C6: variants seen among roughly 807,000 people sequenced by gnomAD.
C6 encodes complement C6.
Under a neutral mutation model 112.9 loss-of-function variants are expected in C6, and 101 were observed. The ratio of observed to expected loss-of-function variants is 0.89; its 90% CI spans 0.76 to 1.06. The LOEUF is 1.06. Among genes scored for constraint, C6 ranks in the 50% least tolerant of loss-of-function variants. The probability of loss-of-function intolerance (pLI) is 0.00; values close to 1 mark genes in which losing one functional copy is unlikely to be tolerated. For missense variants in C6, 1,202 were observed against 1,104.6 expected, an observed-to-expected ratio of 1.09 and a Z score of -1.25; for synonymous variants, 431 against 384.1, an observed-to-expected ratio of 1.12 and a Z score of -1.43.
At chr5:41,231,553 A>G (rs1739900500) in intron 1 of C6, among the ~76,000 whole-genome samples, 1 of 152,122 alleles carries the variant, frequency 6.6e-6, no homozygotes. Context: ...CTAAGCTAAT[A>G]TGCTGTTACA....
rs553243836 is a variant in C6 at position 41,199,847 on chromosome 5, T to C, written c.366A>G (p.Val122=). The C allele has an allele frequency of 1.5e-5, 25 of 1,613,648 alleles. 1 individual carries two copies. In the South Asian group the frequency reaches 2.6e-4, roughly 17 times the overall value. Residue 122 remains valine (V), a synonymous_variant, in exon 4 of 18, where the codon GTA becomes GTG. Coordinates refer to ENST00000337836, the MANE Select transcript of C6 (RefSeq NM_000065.5). ...FGGQPCTAPL[V]AFQPCIPSKL... ...TAGATGGAATGCATGGTTGAAAGGC[T>C]ACCAGAGGCGCAGTGCATGGCTGTC... is the stretch of plus-strand genomic sequence containing the variant.
intron 5 of C6, among the ~76,000 whole-genome samples, chr5:41,187,645 G>A (rs1053395587): frequency 6.6e-6 from 1 of 151,720 alleles, no homozygotes; most frequent in Non-Finnish European, 1.5e-5. Context: ...ATAAATACTT[G>A]TAAATTCTCT....
chr5:41,161,757 T>C lies in C6; in HGVS notation c.1394A>G (p.Glu465Gly). 1.2e-6 allele frequency: 2 copies of C among 1,613,682 alleles called. No individual in the cohort carries two copies. The highest frequency in any genetic ancestry group is 1.7e-6 in the Non-Finnish European group (2 of 1,179,696). The change falls in exon 10 of 18, where the codon GAG becomes GGG. Residue 465 changes from glutamate to glycine, a missense_variant. Transcript: ENST00000337836. ...TAACCACTCAGAAAATGTCTTCTCC[T>C]CCAGACCAGAGCTCCCTTTCTCCCA... ...LAWEKGSSGL[E>G]EKTFSEWLES... is the part of the protein sequence containing the mutation.
intron 8 of C6, 89 bp from the exon 9 acceptor site, chr5:41,172,436 C>T: frequency 1.5e-6 from 2 of 1,295,198 alleles, no homozygotes; most frequent in Non-Finnish European, 2.2e-6. Context: ...TTCGGATCTA[C>T]AGATACTTTA....
intron 8 of C6, among the ~76,000 whole-genome samples, chr5:41,176,044 T>C (rs1232051529): frequency 6.6e-6 from 1 of 152,232 alleles, no homozygotes; most frequent in East Asian, 1.9e-4. Flanking sequence ...AAAAAATTGC[T>C]ATTTAATTCG....
chr5:41,232,375 A>T (rs1270597528), intron 1 of C6, among the ~76,000 whole-genome samples: 1 of 152,098 alleles, frequency 6.6e-6, no homozygotes, highest in Non-Finnish European at 1.5e-5. Flanking sequence ...ATTATCAGTT[A>T]GTAAATCCCT....
intron 1 of C6, among the ~76,000 whole-genome samples, chr5:41,208,942 C>T (rs1435051260): frequency 6.6e-6 from 1 of 152,074 alleles, no homozygotes; most frequent in Non-Finnish European, 1.5e-5. Flanking sequence ...AGACCAATAT[C>T]CCTGATGAAC....
At chr5:41,181,287 C>A (rs1278193089) in intron 7 of C6, 72 bp downstream of exon 7, 4 of 1,367,374 alleles carry the variant, frequency 2.9e-6, no homozygotes, top group Non-Finnish European at 4.2e-6. Context: ...CTCTCCCCTT[C>A]TTATTGCATG....
chr5:41,251,516 TTCCTGATATCC>T (rs755923357), intron 1 of C6, among the ~76,000 whole-genome samples: 73 of 152,210 alleles, frequency 4.8e-4, no homozygotes, highest in Non-Finnish European at 8.2e-4. Context: ...AAGGGAATTC[TTCCTGATATCC>T]TCCTCTTTGT....
chr5:41,193,535 A>G (rs1750375959), intron 5 of C6, among the ~76,000 whole-genome samples: 1 of 152,160 alleles, frequency 6.6e-6, no homozygotes, highest in Non-Finnish European at 1.5e-5. Context: ...GTATGCATGT[A>G]TTTTCACATA....
intron 1 of C6, among the ~76,000 whole-genome samples, chr5:41,210,642 C>T (rs947477053): frequency 2.6e-5 from 4 of 152,098 alleles, no homozygotes; most frequent in African/African-American, 4.8e-5. Context: ...AAAAAATGCT[C>T]ATCATCGCTG....
chr5:41,213,909 A>G (rs1231209408), upstream of C6, among the ~76,000 whole-genome samples: 1 of 152,222 alleles, frequency 6.6e-6, no homozygotes, highest in African/African-American at 2.4e-5. Flanking sequence ...TGAATTTAGT[A>G]TGATTTATCA....
intron 1 of C6, among the ~76,000 whole-genome samples, chr5:41,226,947 A>C (rs992016771): frequency 6.6e-6 from 1 of 152,108 alleles, no homozygotes; most frequent in Non-Finnish European, 1.5e-5. Flanking sequence ...TGACATACTA[A>C]TTTTATTTCC....
In C6 at chr5:41,227,368, G is replaced by A. The variant is rs377030301; in HGVS notation, c.-20-24118C>T. Among the ~76,000 whole-genome samples, 184 of 151,986 alleles carry A rather than the reference G, an allele frequency of 1.2e-3. 1 individual carries two copies. Among genetic ancestry groups the A allele is most frequent in the African/African-American group, 4.3e-3 (179 of 41,464 alleles). On this transcript the variant is annotated intron_variant, in intron 1 of 17. Coordinates refer to the C6 transcript ENST00000263413. ...TTTGCATATAAACTCTTCATCAGACGTATGGTGTGAAAATACTTTCTCCTA... is the reference window on the plus strand; with the variant it reads ...TTTGCATATAAACTCTTCATCAGACATATGGTGTGAAAATACTTTCTCCTA...
In C6 at chr5:41,160,386, G is replaced by A; in HGVS notation, c.1459-19C>T. On this transcript the variant is annotated intron_variant, in intron 10 of 17. Transcript: ENST00000337836. ...GGGCAAGCTAGGAGAAAATGGGAGA[G>A]AGGAGGTCCAGTCACATCCCCTTTG... 1 of 1,589,050 alleles carries A rather than the reference G, an allele frequency of 6.3e-7. No individual in the cohort carries two copies. The highest frequency in any genetic ancestry group is 8.6e-7 in the Non-Finnish European group (1 of 1,157,294).
At chr5:41,196,754 T>C (rs1750650974) in intron 4 of C6, among the ~76,000 whole-genome samples, 1 of 152,066 alleles carries the variant, frequency 6.6e-6, no homozygotes, top group Admixed American at 6.6e-5. Flanking sequence ...GTCTAGATAC[T>C]ACAGTAGCAA....
chr5:41,245,784 C>T (rs1243103205), intron 1 of C6, among the ~76,000 whole-genome samples: 1 of 151,898 alleles, frequency 6.6e-6, no homozygotes, highest in Non-Finnish European at 1.5e-5. Context: ...CTGGAGTAAA[C>T]CCAGGTTAGT....
At position 41,155,761 on chromosome 5, in the gene C6, A is replaced by G. The variant is rs533680415; in HGVS notation, c.1969-657T>C. ...AAACCAAAAAACAAACAAACAAACAAAAACCCAAAACAAAAAAAAAATAGA... is the reference window on the plus strand; with the variant it reads ...AAACCAAAAAACAAACAAACAAACAGAAACCCAAAACAAAAAAAAAATAGA... On this transcript the variant is annotated intron_variant, in intron 13 of 17. Coordinates refer to ENST00000337836, the MANE Select transcript of C6 (RefSeq NM_000065.5). Among the ~76,000 whole-genome samples the G allele has an allele frequency of 2.0e-5, 3 of 151,820 alleles. No homozygotes were observed. In the South Asian group the frequency reaches 6.2e-4, roughly 32 times the overall value.
chr5:41,165,452 T>A (rs1049543423), intron 9 of C6, among the ~76,000 whole-genome samples: 4 of 152,172 alleles, frequency 2.6e-5, no homozygotes, highest in African/African-American at 9.6e-5. Flanking sequence ...AATTTAAATT[T>A]TTTCATCATT....
Sources: gnomAD v4.1 joint callset for allele counts (sites outside exome capture counted in the v4.1 genomes callset) on GRCh38, gnomAD v4.1.1 for gene constraint, MANE v1.5 for transcripts, NCBI Gene and HGNC (gene_info 2026-07-23, HGNC 2026-07-21) for gene names.